FER: variants seen among roughly 807,000 people sequenced by gnomAD.
FER encodes the protein tyrosine-protein kinase Fer.
A neutral mutation model predicts 111.0 loss-of-function variants in FER; 63 were observed. The observed-to-expected ratio is 0.57, with a 90% CI of 0.46 to 0.70. The LOEUF is 0.70. FER is among the 30% of genes least tolerant of loss of function. The pLI is 0.00. For synonymous variants in FER, 327 were observed against 313.9 expected, an observed-to-expected ratio of 1.04 and a Z score of -0.44; for missense variants, 914 against 954.0, an observed-to-expected ratio of 0.96 and a Z score of 0.55.
intron 17 of FER, 28 bp from the exon 18 acceptor site, chr5:109,180,719 G>A (rs1487624561): frequency 1.3e-6 from 2 of 1,570,914 alleles, no homozygotes; most frequent in African/African-American, 1.4e-5. Flanking sequence ...GTTTTAATAG[G>A]CGTTTTCTGT....
At chr5:108,855,199 A>C (rs1373552371) in intron 5 of FER, among the ~76,000 whole-genome samples, 3 of 152,154 alleles carry the variant, frequency 2.0e-5, no homozygotes, top group Non-Finnish European at 4.4e-5. Flanking sequence ...TAGAACTATA[A>C]ATATGAAATG....
chr5:108,912,585 C>G (rs1751708573), intron 10 of FER, among the ~76,000 whole-genome samples: 1 of 152,172 alleles, frequency 6.6e-6, no homozygotes, highest in African/African-American at 2.4e-5. Context: ...TGGTTTCGAA[C>G]TCTGACCTCA....
chr5:109,069,063 T>A (rs1417109847), intron 16 of FER, among the ~76,000 whole-genome samples: 1 of 152,162 alleles, frequency 6.6e-6, no homozygotes, highest in African/African-American at 2.4e-5. Context: ...ACCAAACAAA[T>A]TTTAATTTCA....
chr5:108,912,736 A>T (rs1037417498), intron 10 of FER, among the ~76,000 whole-genome samples: 1 of 152,182 alleles, frequency 6.6e-6, no homozygotes, highest in African/African-American at 2.4e-5. Flanking sequence ...GAAGAGCAAA[A>T]CAAGAAAGGA....
chr5:109,001,355 G>T (rs1764739666), intron 13 of FER, among the ~76,000 whole-genome samples: 1 of 152,146 alleles, frequency 6.6e-6, no homozygotes, highest in Non-Finnish European at 1.5e-5. Context: ...ACGTAATCCA[G>T]CGTATAAACA....
intron 16 of FER, among the ~76,000 whole-genome samples, chr5:109,053,211 C>G (rs1388064105): frequency 6.6e-6 from 1 of 151,846 alleles, no homozygotes; most frequent in African/African-American, 2.4e-5. Flanking sequence ...TAGCGAAACC[C>G]CATCTCTACT....
At chr5:108,839,846 G>A (rs1210523614) in intron 5 of FER, among the ~76,000 whole-genome samples, 1 of 151,790 alleles carries the variant, frequency 6.6e-6, no homozygotes, top group Non-Finnish European at 1.5e-5. Context: ...CAAACTGCTG[G>A]GATTACAGGC....
At chr5:108,892,746 C>T (rs1404091705) in intron 9 of FER, among the ~76,000 whole-genome samples, 3 of 152,156 alleles carry the variant, frequency 2.0e-5, no homozygotes, top group African/African-American at 7.2e-5. Flanking sequence ...CTTGCCCATG[C>T]CTATGTCCTG....
At chr5:108,807,285 C>T (rs1203999841) in intron 3 of FER, among the ~76,000 whole-genome samples, 1 of 152,178 alleles carries the variant, frequency 6.6e-6, no homozygotes, top group African/African-American at 2.4e-5. Context: ...TTGTAAATTG[C>T]CCTGTCTCAG....
At chr5:108,935,410 A>G (rs956616545) in intron 10 of FER, among the ~76,000 whole-genome samples, 1 of 151,968 alleles carries the variant, frequency 6.6e-6, no homozygotes, top group African/African-American at 2.4e-5. Context: ...GAAACTTGTC[A>G]TTGGATTTAG....
chr5:108,934,920 A>G (rs1398850891), intron 10 of FER, among the ~76,000 whole-genome samples: 5 of 152,186 alleles, frequency 3.3e-5, no homozygotes, highest in African/African-American at 1.2e-4. Context: ...ATATATCTAC[A>G]GAAGGAACAG....
At chr5:108,999,983 A>G (rs1053662361) in intron 13 of FER, among the ~76,000 whole-genome samples, 13 of 152,038 alleles carry the variant, frequency 8.6e-5, no homozygotes, top group African/African-American at 3.1e-4. Flanking sequence ...TTAACTCTGC[A>G]TCTCTCTTCT....
intron 14 of FER, among the ~76,000 whole-genome samples, chr5:109,037,949 C>T (rs900514114): frequency 2.0e-5 from 3 of 151,806 alleles, no homozygotes; most frequent in Non-Finnish European, 4.4e-5. Flanking sequence ...GGGCATATTT[C>T]AATCTAAAAA....
Position 109,195,578 on chromosome 5 carries a change from G to C in FER, c.*8003G>C, listed in dbSNP as rs1312081141. On this transcript the variant is annotated 3_prime_UTR_variant, in exon 20 of 20. Transcript: ENST00000281092. ...CAAAATCACAGACAAAGGGGAACTGGTCGAGAGGGGTCTTAGTTATTTCAA... is the reference window on the plus strand; with the variant it reads ...CAAAATCACAGACAAAGGGGAACTGCTCGAGAGGGGTCTTAGTTATTTCAA... 1 of 152,148 alleles carries C rather than the reference G, an allele frequency of 6.6e-6. No individual in the cohort carries two copies. Among genetic ancestry groups the C allele is most frequent in the Non-Finnish European group, 1.5e-5 (1 of 68,028 alleles). The allele number at this position is 152,148 out of a possible 1,614,324, so 9.4% of individuals were successfully genotyped here. A position where few individuals can be genotyped will look rare whatever the true frequency, so the allele number is the denominator to read the frequency against.
At chr5:109,083,939 G>A (rs963080143) in intron 16 of FER, among the ~76,000 whole-genome samples, 3 of 151,932 alleles carry the variant, frequency 2.0e-5, no homozygotes, top group Non-Finnish European at 4.4e-5. Context: ...CCTTCTGCCA[G>A]CATCCATGAA....
chr5:109,129,387 A>G (rs2126561421), intron 17 of FER, among the ~76,000 whole-genome samples: 1 of 152,082 alleles, frequency 6.6e-6, no homozygotes, highest in Middle Eastern at 3.4e-3. Flanking sequence ...ATACTTGTTT[A>G]CCTTTAACTT....
intron 5 of FER, among the ~76,000 whole-genome samples, chr5:108,844,996 G>GTATGTA (rs1761756346): frequency 3.4e-5 from 1 of 29,292 alleles, no homozygotes; most frequent in Admixed American, 6.0e-4. Context: ...GTGTGTGTGT[G>GTATGTA]TATATATATA....
At chr5:108,892,239 A>C (rs1195961726) in intron 9 of FER, among the ~76,000 whole-genome samples, 1 of 152,230 alleles carries the variant, frequency 6.6e-6, no homozygotes, top group African/African-American at 2.4e-5. Flanking sequence ...AGGAATCGCC[A>C]CACTGACTTC....
intron 13 of FER, among the ~76,000 whole-genome samples, chr5:108,961,524 T>C (rs74791266): frequency 0.15 from 23,235 of 152,136 alleles, 2,373 homozygotes; most frequent in Non-Finnish European, 0.22. Context: ...GCTATGAAAA[T>C]AAATATATAC....
Sources: allele counts gnomAD v4.1 joint callset (sites outside exome capture counted in the v4.1 genomes callset), GRCh38; gene constraint gnomAD v4.1.1; transcripts MANE v1.5; gene names NCBI Gene and HGNC (gene_info 2026-07-23, HGNC 2026-07-21).